HOXD3: variants seen among roughly 807,000 people sequenced by gnomAD.
HOXD3 encodes homeobox D3.
Under a neutral mutation model 32.8 loss-of-function variants are expected in HOXD3, and 13 were observed. That is an observed-to-expected ratio of 0.40 (90% CI 0.26 to 0.63). HOXD3 has a LOEUF of 0.63. HOXD3 is among the 20% of genes least tolerant of loss of function. The pLI is 0.44. For missense variants in HOXD3, 504 were observed against 577.1 expected, an observed-to-expected ratio of 0.87 and a Z score of 1.30; for synonymous variants, 241 against 246.8, an observed-to-expected ratio of 0.98 and a Z score of 0.22.
chr2:176,172,071 A>C lies in HOXD3; in HGVS notation c.1096A>C (p.Met366Leu). Residue 366 changes from methionine (M) to leucine (L), a missense_variant, in exon 4 of 4, where the codon ATG becomes CTG. Coordinates refer to ENST00000683222, the MANE Select transcript of HOXD3 (RefSeq NM_006898.5). ...CGTGGGCGGCAACTTCGTCGAGTCCATGGCGCCCGCGTCCGGGCCTGTCTT... is the reference window on the plus strand; with the variant it reads ...CGTGGGCGGCAACTTCGTCGAGTCCCTGGCGCCCGCGTCCGGGCCTGTCTT... ...VYVGGNFVES[M>L]APASGPVFNL... The C allele has an allele frequency of 1.2e-6, 2 of 1,610,758 alleles. No homozygotes were observed. Among genetic ancestry groups the C allele is most frequent in the Admixed American group, 1.7e-5 (1 of 59,954 alleles).
At chr2:176,159,122 T>C (rs1690718814) in intron 1 of HOXD3, among the ~76,000 whole-genome samples, 1 of 152,196 alleles carries the variant, frequency 6.6e-6, no homozygotes, top group Admixed American at 6.5e-5. Context: ...CTTAGATCCT[T>C]TCCTGGAGAC....
upstream of HOXD3, among the ~76,000 whole-genome samples, chr2:176,156,552 G>A (rs1157395190): frequency 6.6e-6 from 1 of 152,092 alleles, no homozygotes; most frequent in Non-Finnish European, 1.5e-5. Context: ...GCTCCTGGGT[G>A]GCTGCTCTGA....
rs1444756328 is a variant in HOXD3 at position 176,170,953 on chromosome 2, G to A, written c.542-564G>A. Among the ~76,000 whole-genome samples the A allele has an allele frequency of 1.9e-4, 28 of 149,596 alleles. 1 individual carries two copies. The highest frequency in any genetic ancestry group is 1.8e-3 in the Admixed American group (27 of 15,060). On this transcript the variant is annotated intron_variant, in intron 3 of 3. Coordinates refer to ENST00000683222, the MANE Select transcript of HOXD3 (RefSeq NM_006898.5). ...TTTTTTATTTTTTATTTTTTGGTTT[G>A]TCACCTCCCTGGCTTTGAGTGCAGT...
chr2:176,166,246 T>C (rs1008009123), intron 2 of HOXD3, among the ~76,000 whole-genome samples: 1 of 152,236 alleles, frequency 6.6e-6, no homozygotes, highest in African/African-American at 2.4e-5. Context: ...GAATATGCCA[T>C]AGAAGCAAAT....
intron 3 of HOXD3, 94 bp from the exon 4 acceptor site, chr2:176,171,423 G>C: frequency 8.7e-7 from 1 of 1,148,030 alleles, no homozygotes; most frequent in Admixed American, 2.8e-5. Context: ...TGGGGGGAGG[G>C]AGGAGGAAAA....
chr2:176,171,436 G>C, intron 3 of HOXD3, 81 bp from the exon 4 acceptor site: 7 of 1,288,138 alleles, frequency 5.4e-6, no homozygotes, highest in Non-Finnish European at 7.4e-6. Flanking sequence ...GAGGAAAAGA[G>C]AACCAGGGAA....
At chr2:176,156,685 A>C (rs1690651675), upstream of HOXD3, among the ~76,000 whole-genome samples, 1 of 151,062 alleles carries the variant, frequency 6.6e-6, no homozygotes, top group African/African-American at 2.4e-5. Flanking sequence ...AACAATAAAC[A>C]CTCCCCACTA....
Position 176,172,797 on chromosome 2 carries a change from T to C in HOXD3, c.*523T>C, listed in dbSNP as rs1691241745. Reference sequence around the variant, plus strand: ...ATTTATGTGTATATTTGTAGATTTATCCAGCCGAGCTTAGGAATTCGCTTC... The same window carrying C: ...ATTTATGTGTATATTTGTAGATTTACCCAGCCGAGCTTAGGAATTCGCTTC... On this transcript the variant is annotated 3_prime_UTR_variant, in exon 4 of 4. Coordinates refer to ENST00000683222, the MANE Select transcript of HOXD3 (RefSeq NM_006898.5). 2 of 153,702 alleles carry C rather than the reference T, an allele frequency of 1.3e-5. No homozygotes were observed. Among genetic ancestry groups the C allele is most frequent in the Admixed American group, 1.3e-4 (2 of 15,446 alleles). The allele number at this position is 153,702 out of a possible 1,614,324, so 9.5% of individuals were successfully genotyped here.
chr2:176,154,378 G>T (rs1223591195), upstream of HOXD3, among the ~76,000 whole-genome samples: 1 of 151,938 alleles, frequency 6.6e-6, no homozygotes, highest in African/African-American at 2.4e-5. Flanking sequence ...AGAAGTCAAA[G>T]TTAATGGCCA....
At chr2:176,154,021 T>G (rs1690596129), upstream of HOXD3, among the ~76,000 whole-genome samples, 1 of 149,642 alleles carries the variant, frequency 6.7e-6, no homozygotes, top group African/African-American at 2.5e-5. Context: ...GGCTGTGCAG[T>G]GGGGAGAAAG....
At chr2:176,167,753 T>G (rs1316815231) in intron 2 of HOXD3, among the ~76,000 whole-genome samples, 3 of 144,686 alleles carry the variant, frequency 2.1e-5, no homozygotes, top group Non-Finnish European at 4.5e-5. Context: ...AGGACTTTCA[T>G]TTCCCATCAA....
At chr2:176,154,110 C>T (rs372705031), upstream of HOXD3, among the ~76,000 whole-genome samples, 2 of 151,808 alleles carry the variant, frequency 1.3e-5, no homozygotes, top group African/African-American at 4.8e-5. Flanking sequence ...AAAAGTTAGC[C>T]TTAGAGTTTT....
Position 176,171,621 on chromosome 2 carries a change from A to T in HOXD3, c.646A>T (p.Asn216Tyr). The change falls in exon 4 of 4, where the codon AAC becomes TAC. Residue 216 changes from asparagine to tyrosine, a missense_variant. By Grantham distance (143) the Asn-to-Tyr change is moderately radical. This residue lies in a region of HOXD3 where 97 missense variants were observed against 158.0 expected (regional missense o/e 0.61). Transcript: ENST00000683222. Reference protein sequence around the residue: ...LVELEKEFHFNRYLCRPRRVE... With the variant: ...LVELEKEFHFYRYLCRPRRVE... ...GGAATTGGAAAAGGAATTCCACTTC[A>T]ACCGCTACTTGTGCCGGCCGCGCCG... is the stretch of plus-strand genomic sequence containing the variant. The T allele has an allele frequency of 6.2e-7, 1 of 1,614,212 alleles. No individual in the cohort carries two copies. Among genetic ancestry groups the T allele is most frequent in the African/African-American group, 1.3e-5 (1 of 75,062 alleles).
chr2:176,167,101 C>A (rs1189276144), intron 2 of HOXD3, among the ~76,000 whole-genome samples: 4 of 152,152 alleles, frequency 2.6e-5, no homozygotes, highest in Admixed American at 6.5e-5. Context: ...TACTTTAACT[C>A]TTTAGGAGCC....
intron 1 of HOXD3, among the ~76,000 whole-genome samples, chr2:176,159,152 C>T (rs1690719597): frequency 6.6e-6 from 1 of 152,148 alleles, no homozygotes; most frequent in African/African-American, 2.4e-5. Context: ...CAAAGCAGCC[C>T]CCCTCTTTGG....
In HOXD3 at chr2:176,171,986, T is replaced by A. The variant is rs902773003; in HGVS notation, c.1011T>A (p.His337Gln). The A allele has an allele frequency of 1.9e-6, 3 of 1,610,482 alleles. No individual in the cohort carries two copies. In the African/African-American group the frequency reaches 4.0e-5, roughly 22 times the overall value. The change falls in exon 4 of 4, where the codon CAT (histidine) becomes CAA (glutamine). Residue 337 changes from histidine to glutamine, a missense_variant. His to Gln is a conservative substitution (Grantham distance 24, BLOSUM62 0). Coordinates refer to ENST00000683222, the MANE Select transcript of HOXD3 (RefSeq NM_006898.5). ...ACGCAGCGCCGGAGTTCGAGCCCCA[T>A]CCCATGGCGAGCAACGGCGGCGGCT... ...KRYAAPEFEP[H>Q]PMASNGGGFA...
upstream of HOXD3, chr2:176,152,901 C>T: frequency 6.2e-7 from 1 of 1,614,198 alleles, no homozygotes; most frequent in Non-Finnish European, 8.5e-7. This position sits in a 1 kb window ranked among gnomAD's most constrained non-coding sequence, Gnocchi z 5.2. Flanking sequence ...GCATTTACAG[C>T]CGATGGCCAA....
At position 176,171,677 on chromosome 2, in the gene HOXD3, G is replaced by A. The variant is rs758191207; in HGVS notation, c.702G>A (p.Thr234=). Residue 234 remains threonine (T), a synonymous_variant, in exon 4 of 4, where the codon ACG becomes ACA. Coordinates refer to ENST00000683222, the MANE Select transcript of HOXD3 (RefSeq NM_006898.5). Reference sequence around the variant, plus strand: ...AGATGGCCAACCTGCTGAATCTCACGGAACGCCAGATCAAGATCTGGTTCC... The same window carrying A: ...AGATGGCCAACCTGCTGAATCTCACAGAACGCCAGATCAAGATCTGGTTCC... ...RVEMANLLNL[T]ERQIKIWFQN... The A allele has an allele frequency of 2.5e-6, 4 of 1,614,140 alleles. 1 individual carries two copies. In the Admixed American group the frequency reaches 6.7e-5, roughly 27 times the overall value.
rs1224839462 is a variant in HOXD3, at chr2:176,172,193, T to C, written c.1218T>C (p.Pro406=). ...PGNHHHGPCD[P]HPTYTDLSAH... Reference sequence around the variant, plus strand: ...ACCACCACCATGGACCTTGCGACCCTCATCCCACCTACACAGATCTCTCGG... The same window carrying C: ...ACCACCACCATGGACCTTGCGACCCCCATCCCACCTACACAGATCTCTCGG... The change falls in exon 4 of 4, where the codon CCT becomes CCC. Residue 406 remains proline (P), a synonymous_variant. Transcript: ENST00000683222. The C allele has an allele frequency of 1.9e-6, 3 of 1,612,550 alleles. No individual in the cohort carries two copies. Among genetic ancestry groups the C allele is most frequent in the Non-Finnish European group, 2.5e-6 (3 of 1,179,944 alleles).
Sources: gnomAD v4.1 joint callset for allele counts (sites outside exome capture counted in the v4.1 genomes callset) on GRCh38, gnomAD v4.1.1 for gene constraint, gnomAD v4.1.1 regional missense constraint, Gnocchi (gnomAD v3.1) non-coding constraint, MANE v1.5 for transcripts, NCBI Gene and HGNC (gene_info 2026-07-23, HGNC 2026-07-21) for gene names.